Variants in TRAPPC9 observed in about 807,000 individuals in gnomAD.
TRAPPC9 encodes the protein trafficking protein particle complex subunit 9.
In TRAPPC9, 83 loss-of-function variants were observed where a neutral mutation model predicts 124.0. The observed-to-expected ratio is 0.67, with a 90% confidence interval of 0.56 to 0.80. The LOEUF (loss-of-function observed/expected upper bound fraction) is 0.80. Ranked by LOEUF, TRAPPC9 falls within the 30% of genes least tolerant of loss-of-function variation. The probability of loss-of-function intolerance (pLI) is 0.00; values close to 1 mark genes in which losing one functional copy is unlikely to be tolerated. For synonymous variants in TRAPPC9, 638 were observed against 617.5 expected, an observed-to-expected ratio of 1.03 and a Z score of -0.49; for missense variants, 1,302 against 1,508.3, an observed-to-expected ratio of 0.86 and a Z score of 2.27.
chr8:140,120,773 CCATT>C (rs1007396344), intron 17 of TRAPPC9, among the ~76,000 whole-genome samples: 3 of 150,804 alleles, frequency 2.0e-5, no homozygotes, highest in African/African-American at 4.9e-5. Context: ...CAACATCCAT[CCATT>C]CATTCATCCA....
chr8:140,231,465 T>C (rs2063590952), intron 16 of TRAPPC9, among the ~76,000 whole-genome samples: 1 of 149,276 alleles, frequency 6.7e-6, no homozygotes, highest in Non-Finnish European at 1.5e-5. Flanking sequence ...AAACTGCTAG[T>C]AAATCACTGC....
chr8:139,848,793 C>A (rs1209322466), intron 21 of TRAPPC9, among the ~76,000 whole-genome samples: 2 of 152,202 alleles, frequency 1.3e-5, no homozygotes, highest in Non-Finnish European at 2.9e-5. Flanking sequence ...CCGTAGGCAG[C>A]CTTCCCTTGG....
chr8:139,933,780 C>T (rs1225294481), intron 19 of TRAPPC9: 1 of 152,252 alleles, frequency 6.6e-6, no homozygotes, highest in Non-Finnish European at 1.5e-5. Flanking sequence ...TAACCAAAGT[C>T]CATGATCAGT....
At chr8:139,972,724 G>A (rs1000893435) in intron 19 of TRAPPC9, among the ~76,000 whole-genome samples, 1 of 152,226 alleles carries the variant, frequency 6.6e-6, no homozygotes, top group Non-Finnish European at 1.5e-5. Context: ...AGCATCTGAG[G>A]CTGGATCCCT....
chr8:140,248,960 C>G lies in TRAPPC9; in HGVS notation c.2431+3817G>C, dbSNP rs78611353. 3.3e-5 allele frequency among the ~76,000 whole-genome samples: 5 copies of G among 152,278 alleles called. No homozygotes were observed. In the East Asian group the frequency reaches 7.7e-4, roughly 24 times the overall value. ...TTCTTGTTACTATTTTGAAAAATAT[C>G]GAGCCTACAGAAAAGTCACAAGAAA... is the stretch of plus-strand genomic sequence containing the variant. On this transcript the variant is annotated intron_variant, in intron 16 of 22. Transcript: ENST00000438773.
intron 2 of TRAPPC9, among the ~76,000 whole-genome samples, chr8:140,443,435 CAA>C (rs77804343): frequency 4.6e-5 from 6 of 130,958 alleles, no homozygotes; most frequent in African/African-American, 5.6e-5. Context: ...GACTCCATCT[CAA>C]AAAAAAAAAA....
At chr8:140,167,640 T>A (rs888270089) in intron 17 of TRAPPC9, among the ~76,000 whole-genome samples, 1 of 152,220 alleles carries the variant, frequency 6.6e-6, no homozygotes, top group Non-Finnish European at 1.5e-5. Context: ...TGAATGGGAA[T>A]ATCTCAAAGA....
chr8:140,129,005 T>TATATATATATTAA lies in TRAPPC9; in HGVS notation c.2556+92453_2556+92454insTTAATATATATAT, dbSNP rs1563783126. Among the ~76,000 whole-genome samples the TATATATATATTAA allele has an allele frequency of 7.7e-3, 1,032 of 134,466 alleles. 7 individuals carry two copies. Among genetic ancestry groups the TATATATATATTAA allele is most frequent in the South Asian group, 0.013 (57 of 4,240 alleles). The allele number at this position is 134,466 out of a possible 152,430, so 88.2% of individuals were successfully genotyped here. Reference sequence around the variant, plus strand: ...TATATATACATATATATATATATATTAAAAAAAAAAAGAAGACTCCTCTCC... The same window carrying TATATATATATTAA: ...TATATATACATATATATATATATATTATATATATATTAAAAAAAAAAAAAGAAGACTCCTCTCC... On this transcript the variant is annotated intron_variant, in intron 17 of 22. Transcript: ENST00000438773.
chr8:140,413,794 A>G (rs1407303528), intron 5 of TRAPPC9, among the ~76,000 whole-genome samples: 1 of 151,472 alleles, frequency 6.6e-6, no homozygotes, highest in African/African-American at 2.4e-5. Context: ...GTTTACTGAG[A>G]ATGATGATTT....
intron 7 of TRAPPC9, among the ~76,000 whole-genome samples, chr8:140,395,993 C>T (rs890257768): frequency 3.9e-5 from 6 of 152,186 alleles, no homozygotes; most frequent in African/African-American, 1.4e-4. Context: ...GGCTGGCCTT[C>T]CTGCCAACAG....
At chr8:140,169,144 T>C (rs1186761840) in intron 17 of TRAPPC9, among the ~76,000 whole-genome samples, 2 of 150,934 alleles carry the variant, frequency 1.3e-5, no homozygotes, top group Admixed American at 1.3e-4. Flanking sequence ...TTTAAGTAAA[T>C]AAAAATAAAA....
At chr8:139,826,331 G>C (rs1168244064) in intron 21 of TRAPPC9, among the ~76,000 whole-genome samples, 2 of 152,238 alleles carry the variant, frequency 1.3e-5, no homozygotes, top group African/African-American at 4.8e-5. Flanking sequence ...CGGAACAGGA[G>C]AGTGAGAGAC....
intron 1 of TRAPPC9, 112 bp downstream of exon 1, chr8:140,457,527 G>A: frequency 6.8e-6 from 6 of 879,392 alleles, no homozygotes; most frequent in Non-Finnish European, 8.2e-6. Context: ...CCGGACAGGT[G>A]AGGGCCGGGC....
intron 19 of TRAPPC9, among the ~76,000 whole-genome samples, chr8:139,973,658 C>T (rs900865964): frequency 1.3e-5 from 2 of 152,216 alleles, no homozygotes; most frequent in African/African-American, 4.8e-5. Flanking sequence ...GAGTCACTGG[C>T]GCTGACCCCG....
intron 21 of TRAPPC9, among the ~76,000 whole-genome samples, chr8:139,865,958 A>G (rs1828504770): frequency 6.6e-6 from 1 of 152,220 alleles, no homozygotes; most frequent in Admixed American, 6.5e-5. Context: ...AATCAAATAC[A>G]TTTAAGAAAT....
At chr8:140,299,303 A>AG (rs1472868007) in intron 11 of TRAPPC9, among the ~76,000 whole-genome samples, 30 of 148,266 alleles carry the variant, frequency 2.0e-4, no homozygotes, top group African/African-American at 2.7e-4. Flanking sequence ...GGGTGTGGGC[A>AG]GGGGGGGGTC....
intron 20 of TRAPPC9, among the ~76,000 whole-genome samples, chr8:139,893,818 C>A (rs1830496371): frequency 6.6e-6 from 1 of 152,198 alleles, no homozygotes; most frequent in South Asian, 2.1e-4. Flanking sequence ...TGTGAGGGGA[C>A]CGAGCCTCGG....
rs369827013 is a variant in TRAPPC9, at chr8:139,735,388, G to A, written c.3056-3186C>T. On this transcript the variant is annotated intron_variant, in intron 21 of 22. Coordinates refer to ENST00000438773, the MANE Select transcript of TRAPPC9 (RefSeq NM_001160372.4). The stretch of plus-strand genomic sequence containing the variant: ...GGCAGCGGCTTTCGTCTCCAGCCTT[G>A]GTTACCTGTCTGTGCTGTGCAACCC... 1.8e-3 allele frequency among the ~76,000 whole-genome samples: 269 copies of A among 152,256 alleles called. 2 individuals are homozygous for A. The highest frequency in any genetic ancestry group is 6.8e-3 in the Middle Eastern group (2 of 294).
chr8:139,782,946 C>T (rs1480158878), intron 21 of TRAPPC9, among the ~76,000 whole-genome samples: 1 of 151,978 alleles, frequency 6.6e-6, no homozygotes, highest in Admixed American at 6.6e-5. Flanking sequence ...TCCAAATAAC[C>T]CTCAGGTCAA....
Sources: allele counts gnomAD v4.1 joint callset (sites outside exome capture counted in the v4.1 genomes callset), GRCh38; gene constraint gnomAD v4.1.1; transcripts MANE v1.5; gene names NCBI Gene and HGNC (gene_info 2026-07-23, HGNC 2026-07-21).